Variants in CPQ observed in about 807,000 individuals in gnomAD.
The protein encoded by CPQ is carboxypeptidase Q.
CPQ carries 37 observed loss-of-function variants against 45.7 expected under a neutral mutation model. That is an observed-to-expected ratio of 0.81 (90% confidence interval 0.62 to 1.07). The LOEUF is 1.07. Ranked by LOEUF, CPQ falls within the 50% of genes least tolerant of loss-of-function variation. CPQ has a pLI of 0.00. For synonymous variants in CPQ, 186 were observed against 205.8 expected, an observed-to-expected ratio of 0.90 and a Z score of 0.82; for missense variants, 537 against 572.9, an observed-to-expected ratio of 0.94 and a Z score of 0.64.
chr8:97,094,747 C>T (rs1404805532), intron 7 of CPQ, among the ~76,000 whole-genome samples: 4 of 150,910 alleles, frequency 2.7e-5, no homozygotes, highest in Admixed American at 1.3e-4. Context: ...TTCAAGTATT[C>T]GCCATTAAAA....
chr8:96,830,351 G>A (rs1004732871), intron 2 of CPQ, among the ~76,000 whole-genome samples: 1 of 151,990 alleles, frequency 6.6e-6, no homozygotes, highest in African/African-American at 2.4e-5. Context: ...ATCAAATCAG[G>A]AGAGACTGAG....
chr8:96,720,894 G>T (rs917359586), intron 1 of CPQ, among the ~76,000 whole-genome samples: 1 of 151,712 alleles, frequency 6.6e-6, no homozygotes, highest in Admixed American at 6.6e-5. Context: ...CTATGGTGTG[G>T]TCCTAAGGTA....
At chr8:96,862,715 C>A (rs530776859) in intron 3 of CPQ, among the ~76,000 whole-genome samples, 2 of 152,146 alleles carry the variant, frequency 1.3e-5, no homozygotes, top group South Asian at 4.1e-4. Flanking sequence ...TATAAAAACC[C>A]TGATTTTTAG....
chr8:96,727,580 G>T (rs1809859396), intron 1 of CPQ, among the ~76,000 whole-genome samples: 1 of 152,100 alleles, frequency 6.6e-6, no homozygotes, highest in African/African-American at 2.4e-5. Flanking sequence ...AAAATCCCTA[G>T]CTTGCACCTA....
chr8:96,723,068 A>G (rs1023502930), intron 1 of CPQ, among the ~76,000 whole-genome samples: 10 of 152,206 alleles, frequency 6.6e-5, no homozygotes, highest in African/African-American at 2.4e-4. Flanking sequence ...TTTCAACTTA[A>G]CATTTTCAGC....
At chr8:96,938,703 C>T (rs1377078592) in intron 4 of CPQ, among the ~76,000 whole-genome samples, 1 of 152,166 alleles carries the variant, frequency 6.6e-6, no homozygotes, top group Non-Finnish European at 1.5e-5. Flanking sequence ...CCCCCATTGA[C>T]TGAACCCTAT....
At chr8:96,944,546 C>G (rs1205272253) in intron 4 of CPQ, among the ~76,000 whole-genome samples, 3 of 152,122 alleles carry the variant, frequency 2.0e-5, no homozygotes, top group South Asian at 2.1e-4. Flanking sequence ...ATTTCCTGTT[C>G]TGGAGGTGTG....
At chr8:97,077,703 T>C (rs1366904895) in intron 7 of CPQ, among the ~76,000 whole-genome samples, 1 of 152,122 alleles carries the variant, frequency 6.6e-6, no homozygotes, top group African/African-American at 2.4e-5. Flanking sequence ...TTCCAGACTA[T>C]GTGGTTCATT....
chr8:96,970,972 G>C (rs1276012794), intron 5 of CPQ, among the ~76,000 whole-genome samples: 4 of 152,226 alleles, frequency 2.6e-5, no homozygotes, highest in African/African-American at 7.2e-5. Context: ...GGGGGGAAAA[G>C]TGTCCTATGG....
rs189891382 is a variant in CPQ at position 96,690,569 on chromosome 8, G to A, written c.-35+45167G>A. Among the ~76,000 whole-genome samples the A allele has an allele frequency of 7.2e-5, 11 of 152,274 alleles. 1 individual carries two copies. Among genetic ancestry groups the A allele is most frequent in the South Asian group, 4.1e-4 (2 of 4,826 alleles). On this transcript the variant is annotated intron_variant, in intron 1 of 7. Transcript: ENST00000220763. Reference sequence around the variant, plus strand: ...CTATCATTATTCCTAACAAGGGATTGTTAGTTTTTCTGTTAGGATGTGATG... The same window carrying A: ...CTATCATTATTCCTAACAAGGGATTATTAGTTTTTCTGTTAGGATGTGATG...
At chr8:96,900,047 C>G (rs1206254492) in intron 4 of CPQ, among the ~76,000 whole-genome samples, 1 of 152,124 alleles carries the variant, frequency 6.6e-6, no homozygotes, top group Non-Finnish European at 1.5e-5. Flanking sequence ...TTCTGACTAA[C>G]AGAACTCTCT....
At chr8:96,923,062 A>G (rs1397346733) in intron 4 of CPQ, among the ~76,000 whole-genome samples, 1 of 152,164 alleles carries the variant, frequency 6.6e-6, no homozygotes, top group Non-Finnish European at 1.5e-5. Flanking sequence ...CCAGTTCCAT[A>G]TGTTCCATTG....
chr8:96,845,654 T>A (rs1008099334), intron 3 of CPQ, among the ~76,000 whole-genome samples: 17 of 151,924 alleles, frequency 1.1e-4, no homozygotes, highest in African/African-American at 3.1e-4. Context: ...GTCTATTTTT[T>A]AAAAAAAATT....
At chr8:96,729,622 A>C (rs528931070) in intron 1 of CPQ, among the ~76,000 whole-genome samples, 6 of 152,202 alleles carry the variant, frequency 3.9e-5, no homozygotes, top group African/African-American at 1.4e-4. Context: ...TTGCTTCATT[A>C]TTTTGTGTTT....
chr8:97,105,635 A>ACT (rs1327656890), intron 7 of CPQ, among the ~76,000 whole-genome samples: 1 of 152,188 alleles, frequency 6.6e-6, no homozygotes, highest in Non-Finnish European at 1.5e-5. Flanking sequence ...AATCCTTAGT[A>ACT]TTGTTGCAGT....
intron 2 of CPQ, among the ~76,000 whole-genome samples, chr8:96,795,152 C>A (rs1432017811): frequency 6.6e-6 from 1 of 152,164 alleles, no homozygotes; most frequent in Non-Finnish European, 1.5e-5. Context: ...CTGATGAAGA[C>A]ATACCCAAAA....
chr8:96,763,726 G>C (rs929200721), intron 1 of CPQ, among the ~76,000 whole-genome samples: 5 of 152,022 alleles, frequency 3.3e-5, no homozygotes, highest in Non-Finnish European at 5.9e-5. Flanking sequence ...AAGGACAAAA[G>C]ATTTGAACAG....
At chr8:96,752,234 G>A (rs529484554) in intron 1 of CPQ, among the ~76,000 whole-genome samples, 79 of 152,058 alleles carry the variant, frequency 5.2e-4, no homozygotes, top group Admixed American at 2.1e-3. Flanking sequence ...TGACCATTTT[G>A]ATGATATTGA....
intron 1 of CPQ, among the ~76,000 whole-genome samples, chr8:96,718,559 G>C (rs1025509878): frequency 3.3e-5 from 5 of 152,194 alleles, no homozygotes; most frequent in Non-Finnish European, 4.4e-5. Flanking sequence ...GACCCAAAGA[G>C]TGAGCAGTGG....
Sources: allele counts gnomAD v4.1 joint callset (sites outside exome capture counted in the v4.1 genomes callset), GRCh38; gene constraint gnomAD v4.1.1; transcripts MANE v1.5; gene names NCBI Gene and HGNC (gene_info 2026-07-23, HGNC 2026-07-21).